Variants in PDCD11 observed in about 807,000 individuals in gnomAD.
PDCD11 encodes the protein protein RRP5 homolog.
A neutral mutation model predicts 198.9 loss-of-function variants in PDCD11; 97 were observed. The observed-to-expected ratio is 0.49, with a 90% CI of 0.41 to 0.58. PDCD11 has a LOEUF of 0.58. Among genes scored for constraint, PDCD11 ranks in the 20% least tolerant of loss-of-function variants. The probability of loss-of-function intolerance (pLI) is 0.00; values close to 1 mark genes in which losing one functional copy is unlikely to be tolerated. For missense variants in PDCD11, 2,102 were observed against 2,312.7 expected, an observed-to-expected ratio of 0.91 and a Z score of 1.87; for synonymous variants, 893 against 918.0, an observed-to-expected ratio of 0.97 and a Z score of 0.49.
intron 14 of PDCD11, among the ~76,000 whole-genome samples, 178 bp downstream of exon 14, chr10:103,418,110 C>T (rs1011441085): frequency 2.0e-5 from 3 of 152,174 alleles, no homozygotes; most frequent in Admixed American, 6.5e-5. Context: ...TGGAAGCTGT[C>T]CCTGAAAGTC....
At chr10:103,439,221 A>G (rs1234332917) in intron 27 of PDCD11, among the ~76,000 whole-genome samples, 2 of 152,278 alleles carry the variant, frequency 1.3e-5, no homozygotes, top group East Asian at 3.9e-4. Flanking sequence ...ATGAGCCTGT[A>G]GTCCCAGCTA....
In PDCD11 at chr10:103,417,963, A is replaced by G; in HGVS notation, c.1911+31A>G. 2 of 1,612,008 alleles carry G rather than the reference A, an allele frequency of 1.2e-6. 1 individual carries two copies. The highest frequency in any genetic ancestry group is 2.2e-5 in the South Asian group (2 of 90,954). On this transcript the variant is annotated intron_variant, in intron 14 of 35. Coordinates refer to ENST00000369797, the MANE Select transcript of PDCD11 (RefSeq NM_014976.2). ...TGGACTTCTCTGGACAAGCTATTTT[A>G]TGTTACAGTGGCAGAGAGCAGGGAA...
rs1260816724 is a variant in PDCD11 at position 103,427,364 on chromosome 10, C to A, written c.3341C>A (p.Thr1114Asn). Residue 1114 changes from threonine (T) to asparagine (N), a missense_variant, in exon 21 of 36, where the codon ACC becomes AAC. By Grantham distance (65) the Thr-to-Asn change is moderately conservative. Transcript: ENST00000369797. ...ATAAGTCACCCCAGATTCGTTCGAACCATCCCGGAGCTGAGTGTTCGGCCA... is the reference window on the plus strand; with the variant it reads ...ATAAGTCACCCCAGATTCGTTCGAAACATCCCGGAGCTGAGTGTTCGGCCA... ...LPISHPRFVR[T>N]IPELSVRPSE... The A allele has an allele frequency of 4.3e-6, 7 of 1,612,832 alleles. No homozygotes were observed. The East Asian group carries it at 1.6e-4, about 36-fold the overall frequency.
intron 21 of PDCD11, 28 bp from the exon 22 acceptor site, chr10:103,432,101 A>C (rs375189545): frequency 4.6e-6 from 7 of 1,533,730 alleles, no homozygotes; most frequent in Non-Finnish European, 6.3e-6. Context: ...AGATGGGTTT[A>C]CTGTTTACAT....
chr10:103,398,384 C>T (rs2093448387), intron 1 of PDCD11, 32 bp from the exon 2 acceptor site: 3 of 1,314,292 alleles, frequency 2.3e-6, no homozygotes, highest in South Asian at 1.2e-5. Flanking sequence ...ACCAAGACAA[C>T]ATGTCACCAT....
At chr10:103,411,501 G>A (rs2030805246) in intron 8 of PDCD11, among the ~76,000 whole-genome samples, 3 of 151,978 alleles carry the variant, frequency 2.0e-5, no homozygotes, top group Non-Finnish European at 4.4e-5. Flanking sequence ...GAGTAGCTGG[G>A]ACTACGGATG....
At chr10:103,405,416 T>C (rs1242879816) in intron 5 of PDCD11, 3 of 366,590 alleles carry the variant, frequency 8.2e-6, no homozygotes, top group Non-Finnish European at 1.5e-5. Context: ...TTTCTTTTTT[T>C]TTTTTGAGTC....
intron 17 of PDCD11, among the ~76,000 whole-genome samples, chr10:103,422,552 C>G (rs193198889): frequency 6.6e-6 from 1 of 151,922 alleles, no homozygotes; most frequent in Non-Finnish European, 1.5e-5. Context: ...ATTCACTCGC[C>G]TTTTCACCTT....
chr10:103,398,323 G>T (rs144724419), intron 1 of PDCD11, 93 bp from the exon 2 acceptor site: 206 of 765,568 alleles, frequency 2.7e-4, no homozygotes, highest in African/African-American at 2.7e-3. Flanking sequence ...CTAGCATATT[G>T]CTGGAACGTT....
In PDCD11 at chr10:103,427,329, G is replaced by A. The variant is rs2031738589; in HGVS notation, c.3306G>A (p.Lys1102=). 2 of 1,612,958 alleles carry A rather than the reference G, an allele frequency of 1.2e-6. No homozygotes were observed. Among genetic ancestry groups the A allele is most frequent in the African/African-American group, 2.7e-5 (2 of 74,950 alleles). Residue 1102 remains lysine, a splice_region_variant and synonymous_variant, in exon 21 of 36, where the codon AAG becomes AAA. Transcript: ENST00000369797. ...VIGGRDMKTF[K]YLPISHPRFV... ...TGATTCAGCTTATTTGTTTCTCCAG[G>A]TATCTCCCAATAAGTCACCCCAGAT...
At chr10:103,430,885 A>G (rs1250515075) in intron 21 of PDCD11, among the ~76,000 whole-genome samples, 1 of 150,574 alleles carries the variant, frequency 6.6e-6, no homozygotes, top group East Asian at 1.9e-4. Context: ...TGCAACCTCT[A>G]CCTCCTGGGT....
chr10:103,404,686 GGGAGATAGAGTGGT>G (rs2030335882), intron 4 of PDCD11, among the ~76,000 whole-genome samples: 1 of 152,246 alleles, frequency 6.6e-6, no homozygotes, highest in African/African-American at 2.4e-5. Flanking sequence ...GTGATTCTAT[GGGAGATAGAGTGGT>G]GGAGTGAGAG....
chr10:103,445,339 G>T (rs776486122), intron 35 of PDCD11, 39 bp from the exon 36 acceptor site: 11 of 1,608,424 alleles, frequency 6.8e-6, no homozygotes, highest in Non-Finnish European at 9.4e-6. Flanking sequence ...ACGTGACCTG[G>T]GACTGACAGG....
chr10:103,402,268 A>T (rs188645355), intron 3 of PDCD11, among the ~76,000 whole-genome samples: 22 of 152,274 alleles, frequency 1.4e-4, no homozygotes, highest in African/African-American at 5.1e-4. Context: ...GGTTGCTCAG[A>T]ATAATGTAAA....
chr10:103,437,336 G>T (rs1156647714), intron 25 of PDCD11, among the ~76,000 whole-genome samples: 1 of 152,080 alleles, frequency 6.6e-6, no homozygotes, highest in Non-Finnish European at 1.5e-5. Context: ...TAGAGACAGG[G>T]TCTCGCTTTG....
chr10:103,437,906 G>A lies in PDCD11; in HGVS notation c.3846-109G>A, dbSNP rs1592140006. 46 of 826,244 alleles carry A rather than the reference G, an allele frequency of 5.6e-5. No homozygotes were observed. In the South Asian group the frequency reaches 6.6e-4, roughly 12 times the overall value. The allele number at this position is 826,244 out of a possible 1,614,324, so 51.2% of individuals were successfully genotyped here. A position where few individuals can be genotyped will look rare whatever the true frequency, so the allele number is the denominator to read the frequency against. On this transcript the variant is annotated intron_variant, in intron 25 of 35. Transcript: ENST00000369797. The stretch of plus-strand genomic sequence containing the variant: ...TGAAGAAACATGACCAGAGTCTCCT[G>A]TCTCCTCACTCCTGCCTATTCGTCA...
At chr10:103,406,500 C>A (rs985062353) in intron 6 of PDCD11, 109 bp from the exon 7 acceptor site, 9 of 914,712 alleles carry the variant, frequency 9.8e-6, no homozygotes, top group African/African-American at 1.7e-5. Flanking sequence ...GTAACTGATG[C>A]TAACTGGGCA....
At position 103,403,262 on chromosome 10, in the gene PDCD11, G is replaced by A; in HGVS notation, c.379G>A (p.Val127Met). 6.2e-7 allele frequency: 1 copy of A among 1,614,098 alleles called. No individual in the cohort carries two copies. The highest frequency in any genetic ancestry group is 8.5e-7 in the Non-Finnish European group (1 of 1,179,998). The change falls in exon 4 of 36, where the codon GTG becomes ATG. Residue 127 changes from valine (V) to methionine (M), a missense_variant. Val to Met is a conservative substitution (Grantham distance 21). Transcript: ENST00000369797. ...DAYTKKLNEQ[V>M]TQEQPLKDLL... Reference sequence around the variant, plus strand: ...CTACACCAAAAAGCTGAATGAGCAGGTGACACAAGAACAACCTCTGAAGGT... The same window carrying A: ...CTACACCAAAAAGCTGAATGAGCAGATGACACAAGAACAACCTCTGAAGGT...
chr10:103,443,375 G>A, intron 33 of PDCD11, 42 bp downstream of exon 33: 1 of 1,549,446 alleles, frequency 6.5e-7, no homozygotes, highest in Non-Finnish European at 8.8e-7. Context: ...GAGTTCCAGG[G>A]CCACAATCTC....
Sources: gnomAD v4.1 joint callset for allele counts (sites outside exome capture counted in the v4.1 genomes callset) on GRCh38, gnomAD v4.1.1 for gene constraint, MANE v1.5 for transcripts, NCBI Gene and HGNC (gene_info 2026-07-23, HGNC 2026-07-21) for gene names.